Variants in CSMD1 observed in about 807,000 individuals in gnomAD.
CSMD1 encodes CUB and Sushi multiple domains 1, also known as CUB and sushi domain-containing protein 1.
A neutral mutation model predicts 417.5 loss-of-function variants in CSMD1; 213 were observed. The observed-to-expected ratio is 0.51, with a 90% CI of 0.46 to 0.57. The LOEUF is 0.57. CSMD1 is among the 20% of genes least tolerant of loss of function. CSMD1 has a pLI of 0.00. For missense variants in CSMD1, 6,923 were observed against 4,529.7 expected, an observed-to-expected ratio of 1.53 and a Z score of -15.17; for synonymous variants, 2,862 against 1,736.8, an observed-to-expected ratio of 1.65 and a Z score of -16.11.
chr8:3,767,013 G>C (rs1248864777), intron 5 of CSMD1, among the ~76,000 whole-genome samples: 1 of 152,320 alleles, frequency 6.6e-6, no homozygotes, highest in Admixed American at 6.5e-5. Context: ...CAACATCTGA[G>C]ATCATATGAG....
chr8:3,534,518 CAAAAAAA>C (rs566979953), intron 10 of CSMD1, among the ~76,000 whole-genome samples: 11 of 86,558 alleles, frequency 1.3e-4, no homozygotes, highest in Admixed American at 7.4e-4. Context: ...TTCTCAATTA[CAAAAAAA>C]AAAAAAAAAA....
chr8:3,661,880 G>A (rs978436067), intron 7 of CSMD1, among the ~76,000 whole-genome samples: 4 of 152,094 alleles, frequency 2.6e-5, no homozygotes, highest in Admixed American at 1.3e-4. Flanking sequence ...ACGACACATA[G>A]GATTTGTACA....
chr8:4,550,587 C>G (rs1213444994), intron 2 of CSMD1, among the ~76,000 whole-genome samples: 2 of 152,086 alleles, frequency 1.3e-5, no homozygotes, highest in Non-Finnish European at 1.5e-5. Flanking sequence ...CCAGAAAACA[C>G]AAAAGCAGGT....
Position 3,682,225 on chromosome 8 carries a change from A to C in CSMD1, c.1009+26189T>G, listed in dbSNP as rs186450104. ...TTAAACTAAAGAGCTTCTGCACAGCACAAGAAACTACCATCAGAGTGAACA... is the reference window on the plus strand; with the variant it reads ...TTAAACTAAAGAGCTTCTGCACAGCCCAAGAAACTACCATCAGAGTGAACA... On this transcript the variant is annotated intron_variant, in intron 7 of 69. Coordinates refer to ENST00000635120, the MANE Select transcript of CSMD1 (RefSeq NM_033225.6). 1.6e-4 allele frequency among the ~76,000 whole-genome samples: 25 copies of C among 152,334 alleles called. No individual in the cohort carries two copies. The East Asian group carries it at 4.2e-3, about 26-fold the overall frequency.
chr8:4,787,260 C>G (rs1797451758), intron 1 of CSMD1: 1 of 572,940 alleles, frequency 1.7e-6, no homozygotes, highest in Non-Finnish European at 3.2e-6. Flanking sequence ...GAGATGCTCT[C>G]TGATCACCCC....
In CSMD1 at chr8:4,944,303, G is replaced by C. The variant is rs148273859; in HGVS notation, c.85+50029C>G. Reference sequence around the variant, plus strand: ...TGAGTATTATGGAGATCAATGCAAAGTTTACAGAGCAGACCAAGAGAAGAA... The same window carrying C: ...TGAGTATTATGGAGATCAATGCAAACTTTACAGAGCAGACCAAGAGAAGAA... On this transcript the variant is annotated intron_variant, in intron 1 of 69. Coordinates refer to ENST00000635120, the MANE Select transcript of CSMD1 (RefSeq NM_033225.6). Among the ~76,000 whole-genome samples the C allele has an allele frequency of 6.1e-3, 932 of 152,312 alleles. 9 individuals are homozygous for C. The highest frequency in any genetic ancestry group is 9.7e-3 in the East Asian group (50 of 5,172).
intron 7 of CSMD1, among the ~76,000 whole-genome samples, chr8:3,645,407 C>G (rs1797526646): frequency 1.3e-5 from 2 of 152,164 alleles, no homozygotes; most frequent in African/African-American, 4.8e-5. Flanking sequence ...CTTCGGGTGT[C>G]TGGGTACCTT....
At chr8:4,076,473 G>C (rs1036065903) in intron 3 of CSMD1, among the ~76,000 whole-genome samples, 1 of 152,128 alleles carries the variant, frequency 6.6e-6, no homozygotes, top group East Asian at 1.9e-4. Context: ...GTGACAGCAG[G>C]TGATGTTTTT....
chr8:4,181,444 A>T (rs1285519969), intron 3 of CSMD1, among the ~76,000 whole-genome samples: 1 of 152,094 alleles, frequency 6.6e-6, no homozygotes, highest in African/African-American at 2.4e-5. Flanking sequence ...TGGAAAAAGA[A>T]CTGTCTTGGG....
chr8:3,005,585 G>A (rs1189234976), intron 52 of CSMD1, among the ~76,000 whole-genome samples: 1 of 152,020 alleles, frequency 6.6e-6, no homozygotes, highest in African/African-American at 2.4e-5. Flanking sequence ...TGATCAAGTG[G>A]GCTTCATCCC....
intron 5 of CSMD1, among the ~76,000 whole-genome samples, chr8:3,970,583 C>T (rs1318726545): frequency 1.3e-5 from 2 of 151,964 alleles, no homozygotes; most frequent in East Asian, 3.9e-4. Flanking sequence ...TGTTAAAGAC[C>T]CAACAGAATG....
chr8:4,891,497 G>C (rs1585273814), intron 1 of CSMD1, among the ~76,000 whole-genome samples: 1 of 152,100 alleles, frequency 6.6e-6, no homozygotes, highest in South Asian at 2.1e-4. Context: ...GTAATTAAAA[G>C]AATTAGACAA....
chr8:4,462,340 A>G (rs1015520964), intron 2 of CSMD1, among the ~76,000 whole-genome samples: 3 of 152,200 alleles, frequency 2.0e-5, no homozygotes, highest in Admixed American at 6.5e-5. Flanking sequence ...GTTTAAAGAA[A>G]TTGAAGACCT....
intron 3 of CSMD1, among the ~76,000 whole-genome samples, chr8:4,221,083 C>T (rs1801003557): frequency 6.6e-6 from 1 of 152,096 alleles, no homozygotes; most frequent in Non-Finnish European, 1.5e-5. Flanking sequence ...GGGGAAATCA[C>T]TTCATTTAAA....
At chr8:3,493,322 G>A (rs767163244) in intron 11 of CSMD1, among the ~76,000 whole-genome samples, 5 of 149,990 alleles carry the variant, frequency 3.3e-5, no homozygotes, top group Non-Finnish European at 7.4e-5. Flanking sequence ...AGGGGGGGCG[G>A]AGGGGTTGAT....
At chr8:4,557,051 T>A (rs1798127031) in intron 2 of CSMD1, among the ~76,000 whole-genome samples, 1 of 152,258 alleles carries the variant, frequency 6.6e-6, no homozygotes, top group Non-Finnish European at 1.5e-5. Context: ...AAGGATTTTT[T>A]AACAATCACT....
chr8:3,974,761 T>G (rs540392930), intron 5 of CSMD1, among the ~76,000 whole-genome samples: 5 of 152,234 alleles, frequency 3.3e-5, no homozygotes, highest in Non-Finnish European at 7.4e-5. Flanking sequence ...CTTACGGAAT[T>G]CTTTACAGTT....
At chr8:3,285,274 T>C (rs1563225726) in intron 25 of CSMD1, among the ~76,000 whole-genome samples, 1 of 152,316 alleles carries the variant, frequency 6.6e-6, no homozygotes, top group South Asian at 2.1e-4. Context: ...CTGTGTAAGG[T>C]ATGGAATGTG....
chr8:4,952,719 T>C (rs1808835358), intron 1 of CSMD1, among the ~76,000 whole-genome samples: 3 of 152,072 alleles, frequency 2.0e-5, no homozygotes, highest in Admixed American at 2.0e-4. Context: ...AAAATGAGTA[T>C]ATCAAATATT....
Sources: gnomAD v4.1 joint callset for allele counts (sites outside exome capture counted in the v4.1 genomes callset) on GRCh38, gnomAD v4.1.1 for gene constraint, MANE v1.5 for transcripts, NCBI Gene and HGNC (gene_info 2026-07-23, HGNC 2026-07-21) for gene names.